The following RYR2 variants were observed in gnomAD, a reference collection of about 807,000 sequenced individuals.
RYR2 encodes ryanodine receptor 2, also known as cardiac muscle ryanodine receptor-calcium release channel.
RYR2 carries 227 observed loss-of-function variants against 601.1 expected under a neutral mutation model. That is an observed-to-expected ratio of 0.38 (90% CI 0.34 to 0.42). The LOEUF (loss-of-function observed/expected upper bound fraction) is 0.42, where lower values mean the gene tolerates loss of function less well. Among genes scored for constraint, RYR2 ranks in the 10% least tolerant of loss-of-function variants. The pLI, the probability that RYR2 is intolerant of heterozygous loss-of-function variation, is 1.00. For synonymous variants in RYR2, 2,223 were observed against 2,175.1 expected, an observed-to-expected ratio of 1.02 and a Z score of -0.61; for missense variants, 4,646 against 6,156.5, an observed-to-expected ratio of 0.75 and a Z score of 8.21.
At chr1:237,692,266 A>C (rs755488957) in intron 63 of RYR2, among the ~76,000 whole-genome samples, 5 of 152,206 alleles carry the variant, frequency 3.3e-5, no homozygotes, top group Non-Finnish European at 7.3e-5. Context: ...GGATAGGAAA[A>C]TGAAGATTGA....
At chr1:237,433,510 T>TA (rs34997265) in intron 12 of RYR2, among the ~76,000 whole-genome samples, 15,564 of 152,132 alleles carry the variant, frequency 0.1, 1,146 homozygotes, top group East Asian at 0.27. Flanking sequence ...AATATATATA[T>TA]TTTTAAGATA....
intron 2 of RYR2, among the ~76,000 whole-genome samples, chr1:237,314,102 T>TC (rs1694868110): frequency 6.8e-6 from 1 of 146,882 alleles, no homozygotes; most frequent in Non-Finnish European, 1.5e-5. Context: ...TCTTGCTCTG[T>TC]TGCCCAGGCT....
intron 1 of RYR2, among the ~76,000 whole-genome samples, chr1:237,245,352 G>A (rs1167546401): frequency 6.6e-6 from 1 of 152,148 alleles, no homozygotes; most frequent in Non-Finnish European, 1.5e-5. Flanking sequence ...ATTGAGCAAT[G>A]GCATGAGACC....
intron 1 of RYR2, among the ~76,000 whole-genome samples, chr1:237,258,447 T>C (rs879939678): frequency 3.3e-5 from 5 of 152,140 alleles, no homozygotes; most frequent in Non-Finnish European, 7.4e-5. Flanking sequence ...CTGGCATTCA[T>C]TACTGTTTGC....
At position 237,106,379 on chromosome 1, in the gene RYR2, G is replaced by T. The variant is rs1668687356; in HGVS notation, c.48+63810G>T. 6.6e-6 allele frequency among the ~76,000 whole-genome samples: 1 copy of T among 152,094 alleles called. No individual in the cohort carries two copies. Among genetic ancestry groups the T allele is most frequent in the Non-Finnish European group, 1.5e-5 (1 of 68,012 alleles). ...CAGCAGGACCCTGGATATTTTTTTGGACATAGAGCCAGGAGGATTTCCTCA... is the reference window on the plus strand; with the variant it reads ...CAGCAGGACCCTGGATATTTTTTTGTACATAGAGCCAGGAGGATTTCCTCA... On this transcript the variant is annotated intron_variant, in intron 1 of 104. Coordinates refer to ENST00000366574, the MANE Select transcript of RYR2 (RefSeq NM_001035.3). The surrounding 1 kb of genome is among the most constrained non-coding windows in gnomAD (Gnocchi z 4.4).
At position 237,617,143 on chromosome 1, in the gene RYR2, A is replaced by C. The variant is rs181562747; in HGVS notation, c.5716-143A>C. 8.0e-4 allele frequency: 604 copies of C among 751,976 alleles called. 7 individuals are homozygous for C. In the African/African-American group the frequency reaches 0.01, roughly 13 times the overall value. The allele number at this position is 751,976 out of a possible 1,614,324, so 46.6% of individuals were successfully genotyped here. On this transcript the variant is annotated intron_variant, in intron 37 of 104. Coordinates refer to ENST00000366574, the MANE Select transcript of RYR2 (RefSeq NM_001035.3). ...TATGTTTCATCTCCTGGGACCGAGCACATTGCTGCCTATACAAAATCAGGA... is the reference window on the plus strand; with the variant it reads ...TATGTTTCATCTCCTGGGACCGAGCCCATTGCTGCCTATACAAAATCAGGA...
intron 68 of RYR2, among the ~76,000 whole-genome samples, chr1:237,707,719 G>A (rs1017548237): frequency 2.0e-5 from 3 of 152,034 alleles, no homozygotes; most frequent in Admixed American, 1.3e-4. Flanking sequence ...CCAGAATATG[G>A]CTAAATAAGT....
chr1:237,682,809 A>T (rs1686010978), intron 62 of RYR2, among the ~76,000 whole-genome samples: 1 of 152,240 alleles, frequency 6.6e-6, no homozygotes, highest in Admixed American at 6.5e-5. Context: ...AGCATGTGCC[A>T]TTTAAAATTC....
chr1:237,424,526 T>C (rs1705929412), intron 12 of RYR2, among the ~76,000 whole-genome samples: 1 of 152,242 alleles, frequency 6.6e-6, no homozygotes, highest in African/African-American at 2.4e-5. Context: ...AGATGTTAAG[T>C]ACCATGTATA....
Position 237,787,756 on chromosome 1 carries a change from T to A in RYR2, c.13329-232T>A, listed in dbSNP as rs74149928. Among the ~76,000 whole-genome samples, 754 of 152,232 alleles carry A rather than the reference T, an allele frequency of 5.0e-3. 5 individuals carry two copies. Among genetic ancestry groups the A allele is most frequent in the African/African-American group, 0.017 (722 of 41,524 alleles). ...ATAAAGATTCTTCAAGCCTATAAAA[T>A]GTCCTCTATATTTCAACTTCACAGA... On this transcript the variant is annotated intron_variant, in intron 91 of 104. Coordinates refer to ENST00000366574, the MANE Select transcript of RYR2 (RefSeq NM_001035.3).
chr1:237,049,512 T>A (rs1254785037), intron 1 of RYR2, among the ~76,000 whole-genome samples: 8 of 152,110 alleles, frequency 5.3e-5, no homozygotes, highest in African/African-American at 1.9e-4. Flanking sequence ...CATTGTCATG[T>A]TCGTAGTCTT....
At chr1:237,238,836 T>A (rs915993857) in intron 1 of RYR2, among the ~76,000 whole-genome samples, 1 of 151,694 alleles carries the variant, frequency 6.6e-6, no homozygotes, top group Non-Finnish European at 1.5e-5. Flanking sequence ...CTCTAACATA[T>A]TTACTAGCAT....
chr1:237,383,414 C>CTTTTTTTTTTTTTTTTTTTTTTTTTTT (rs1558724426), intron 8 of RYR2, among the ~76,000 whole-genome samples: 1 of 64,790 alleles, frequency 1.5e-5, no homozygotes, highest in Non-Finnish European at 3.4e-5. Context: ...TTTCTTTTTT[C>CTTTTTTTTTTTTTTTTTTTTTTTTTTT]TTGTTTTTTT....
intron 100 of RYR2, among the ~76,000 whole-genome samples, chr1:237,816,393 A>C (rs1661824553): frequency 6.6e-6 from 1 of 152,198 alleles, no homozygotes; most frequent in Non-Finnish European, 1.5e-5. Context: ...ATTTGGAGAA[A>C]AGCAATCCAG....
chr1:237,234,826 A>G (rs913861731), intron 1 of RYR2, among the ~76,000 whole-genome samples: 8 of 152,076 alleles, frequency 5.3e-5, no homozygotes, highest in Admixed American at 3.9e-4. Flanking sequence ...CAGTAAATGT[A>G]GGGGATTCAA....
At chr1:237,780,556 T>C (rs1695019248) in intron 88 of RYR2, among the ~76,000 whole-genome samples, 2 of 152,338 alleles carry the variant, frequency 1.3e-5, no homozygotes, top group South Asian at 4.1e-4. Flanking sequence ...TGTAAAGTTG[T>C]GCAGATGTAA....
At chr1:237,540,874 A>G (rs1669184161) in intron 25 of RYR2, among the ~76,000 whole-genome samples, 1 of 151,712 alleles carries the variant, frequency 6.6e-6, no homozygotes, top group Non-Finnish European at 1.5e-5. Context: ...AGGGCAGATA[A>G]AAGGCTGAGA....
At chr1:237,535,862 A>G (rs1668563398) in intron 25 of RYR2, among the ~76,000 whole-genome samples, 1 of 152,222 alleles carries the variant, frequency 6.6e-6, no homozygotes, top group Non-Finnish European at 1.5e-5. Flanking sequence ...ATTTAGAAAT[A>G]AATAATTCAT....
At chr1:237,471,198 C>G (rs554436414) in intron 17 of RYR2, 1 of 153,906 alleles carries the variant, frequency 6.5e-6, no homozygotes, top group Non-Finnish European at 1.5e-5. Context: ...CCATTTTGAA[C>G]ATGCCTAGTC....
Sources: gnomAD v4.1 joint callset for allele counts (sites outside exome capture counted in the v4.1 genomes callset) on GRCh38, gnomAD v4.1.1 for gene constraint, Gnocchi (gnomAD v3.1) non-coding constraint, MANE v1.5 for transcripts, NCBI Gene and HGNC (gene_info 2026-07-23, HGNC 2026-07-21) for gene names.